The following ARMC2 variants were observed in gnomAD, a reference collection of about 807,000 sequenced individuals.
The protein encoded by ARMC2 is armadillo repeat-containing protein 2.
A neutral mutation model predicts 90.3 loss-of-function variants in ARMC2; 67 were observed. That is an observed-to-expected ratio of 0.74 (90% CI 0.61 to 0.91). The LOEUF (loss-of-function observed/expected upper bound fraction) is 0.91. Among genes scored for constraint, ARMC2 ranks in the 40% least tolerant of loss-of-function variants. The pLI is 0.00. For synonymous variants in ARMC2, 393 were observed against 393.0 expected (o/e 1.00, Z 0.00); for missense variants, 920 against 1,030.9 (o/e 0.89, Z 1.47).
the ARMC2 span, among the ~76,000 whole-genome samples, chr6:109,002,951 G>A: frequency 6.6e-6 from 1 of 151,920 alleles, no homozygotes; most frequent in African/African-American, 2.4e-5. Flanking sequence ...TTTATTTACA[G>A]GATGTCATCA....
intron 10 of ARMC2, among the ~76,000 whole-genome samples, chr6:108,914,697 A>G (rs1320806764): frequency 6.6e-6 from 1 of 152,232 alleles, no homozygotes; most frequent in Non-Finnish European, 1.5e-5. Flanking sequence ...TGTCATTTGC[A>G]GAATCCCCTG....
intron 7 of ARMC2, among the ~76,000 whole-genome samples, chr6:108,901,668 C>T (rs1438327853): frequency 6.6e-6 from 1 of 152,046 alleles, no homozygotes; most frequent in Non-Finnish European, 1.5e-5. Flanking sequence ...CCACCTGCCT[C>T]GGCCTTCCAA....
intron 3 of ARMC2, among the ~76,000 whole-genome samples, chr6:108,867,901 T>C (rs1775991487): frequency 6.6e-6 from 1 of 152,110 alleles, no homozygotes; most frequent in African/African-American, 2.4e-5. Flanking sequence ...ACCATTGCAC[T>C]CCAGCCTGGG....
chr6:108,856,996 G>A (rs1210526884), intron 2 of ARMC2, among the ~76,000 whole-genome samples: 1 of 152,088 alleles, frequency 6.6e-6, no homozygotes, highest in Non-Finnish European at 1.5e-5. Flanking sequence ...TAAAGTCAGG[G>A]AGTGTCAGCC....
At position 108,962,078 on chromosome 6, in the gene ARMC2, A is replaced by C; in HGVS notation, c.2103A>C (p.Gly701=). 3 of 1,613,528 alleles carry C rather than the reference A, an allele frequency of 1.9e-6. No individual in the cohort carries two copies. The highest frequency in any genetic ancestry group is 2.5e-6 in the Non-Finnish European group (3 of 1,179,730). Reference sequence around the variant, plus strand: ...TCCTGGAGGCTGTGCGTGTTTTCGGAAATCTCTCCCAGGACCATGATGTCT... The same window carrying C: ...TCCTGGAGGCTGTGCGTGTTTTCGGCAATCTCTCCCAGGACCATGATGTCT... ...DGILEAVRVF[G]NLSQDHDVCD... Residue 701 remains glycine, a synonymous_variant, in exon 15 of 18, where the codon GGA becomes GGC. Transcript: ENST00000392644.
intron 12 of ARMC2, among the ~76,000 whole-genome samples, chr6:108,949,562 A>G (rs1380325756): frequency 6.6e-6 from 1 of 152,248 alleles, no homozygotes; most frequent in Non-Finnish European, 1.5e-5. Flanking sequence ...CTTAGAAAAT[A>G]TCAGATGAAG....
rs757749283 is a variant in ARMC2, at chr6:108,928,238, G to A, written c.1496+5G>A. 3 of 1,492,834 alleles carry A rather than the reference G, an allele frequency of 2.0e-6. No homozygotes were observed. Among genetic ancestry groups the A allele is most frequent in the Non-Finnish European group, 2.7e-6 (3 of 1,117,968 alleles). 92.5% of individuals were successfully genotyped at this position (1,492,834 alleles called of 1,614,324 possible). ...CAATATTGCCAGAATATTCAGGTAGGTAGACTAAGACGTGAAGTAGCCTTA... is the reference window on the plus strand; with the variant it reads ...CAATATTGCCAGAATATTCAGGTAGATAGACTAAGACGTGAAGTAGCCTTA... On this transcript the variant is annotated splice_donor_5th_base_variant and intron_variant, in intron 11 of 17. Coordinates refer to ENST00000392644, the MANE Select transcript of ARMC2 (RefSeq NM_032131.6).
chr6:108,950,167 C>T (rs916337769), intron 12 of ARMC2, among the ~76,000 whole-genome samples: 2 of 152,110 alleles, frequency 1.3e-5, no homozygotes, highest in Non-Finnish European at 2.9e-5. Flanking sequence ...GATTGCACCA[C>T]TACACTCTAG....
At chr6:108,898,042 TA>T (rs1235337500) in intron 6 of ARMC2, among the ~76,000 whole-genome samples, 1 of 152,126 alleles carries the variant, frequency 6.6e-6, no homozygotes, top group African/African-American at 2.4e-5. Context: ...CTAATCCCAA[TA>T]TTTAGAGATA....
intron 12 of ARMC2, among the ~76,000 whole-genome samples, chr6:108,950,099 G>C (rs907733656): frequency 1.3e-5 from 2 of 152,210 alleles, no homozygotes; most frequent in Middle Eastern, 3.4e-3. Flanking sequence ...CCAGCTACTT[G>C]GGAGGCTGAG....
chr6:108,940,406 A>C (rs949558156), intron 12 of ARMC2, among the ~76,000 whole-genome samples: 2 of 152,220 alleles, frequency 1.3e-5, no homozygotes, highest in African/African-American at 4.8e-5. Context: ...AGGTATTAAT[A>C]GACAGGCTTG....
intron 8 of ARMC2, among the ~76,000 whole-genome samples, chr6:108,906,406 A>G (rs1371217633): frequency 3.3e-5 from 5 of 152,274 alleles, no homozygotes; most frequent in African/African-American, 1.2e-4. Flanking sequence ...TTTACTTTAA[A>G]TAGAATAAAC....
chr6:109,009,348 C>T, the ARMC2 span: 4 of 1,468,978 alleles, frequency 2.7e-6, no homozygotes, highest in Admixed American at 9.6e-5. Context: ...CTCAGCCCCT[C>T]GCCCAGGTAC....
At chr6:109,006,761 A>C in the ARMC2 span, among the ~76,000 whole-genome samples, 1 of 152,178 alleles carries the variant, frequency 6.6e-6, no homozygotes, top group Non-Finnish European at 1.5e-5. Context: ...CACATGTTAA[A>C]TTGGTTACAA....
At chr6:108,857,207 C>A (rs76179958) in intron 2 of ARMC2, among the ~76,000 whole-genome samples, 1,800 of 152,196 alleles carry the variant, frequency 0.012, 33 homozygotes, top group African/African-American at 0.042. Flanking sequence ...TGAAAATGGA[C>A]GATCTCTTCA....
chr6:108,867,806 G>C (rs574814655), intron 3 of ARMC2, among the ~76,000 whole-genome samples: 16 of 150,238 alleles, frequency 1.1e-4, no homozygotes, highest in African/African-American at 3.7e-4. Context: ...GTGGTGGCAA[G>C]CTCCTTTAAT....
chr6:109,001,402 C>A, the ARMC2 span: 1 of 1,613,738 alleles, frequency 6.2e-7, no homozygotes. Context: ...CCATCACTAA[C>A]GTAATGTTAT....
chr6:109,028,713 G>A, the ARMC2 span, among the ~76,000 whole-genome samples: 1 of 152,140 alleles, frequency 6.6e-6, no homozygotes, highest in African/African-American at 2.4e-5. Context: ...TAGAAGCAAA[G>A]AGAATCTACT....
the ARMC2 span, chr6:109,002,232 T>C: frequency 6.5e-7 from 1 of 1,545,266 alleles, no homozygotes; most frequent in Non-Finnish European, 8.9e-7. Flanking sequence ...TGAAAGCTCT[T>C]CCTTAAAAGC....
Sources: gnomAD v4.1 joint callset for allele counts (sites outside exome capture counted in the v4.1 genomes callset) on GRCh38, gnomAD v4.1.1 for gene constraint, MANE v1.5 for transcripts, NCBI Gene and HGNC (gene_info 2026-07-23, HGNC 2026-07-21) for gene names.